METTL15: variants seen among roughly 807,000 people sequenced by gnomAD.
The protein encoded by METTL15 is 12S rRNA N(4)-cytidine methyltransferase METTL15.
METTL15 carries 34 observed loss-of-function variants against 38.3 expected under a neutral mutation model. The ratio of observed to expected loss-of-function variants is 0.89; its 90% CI spans 0.68 to 1.18. The LOEUF is 1.18. Ranked by LOEUF, METTL15 falls within the 50% of genes most tolerant of loss-of-function variation. The pLI, the probability that METTL15 is intolerant of heterozygous loss-of-function variation, is 0.00. For missense variants in METTL15, 438 were observed against 498.4 expected (o/e 0.88, Z 1.15); for synonymous variants, 162 against 170.9 (o/e 0.95, Z 0.41).
chr11:28,351,107 AT>A (rs143158877), intron 3 of METTL15, among the ~76,000 whole-genome samples: 41,211 of 99,746 alleles, frequency 0.41, 6,079 homozygotes, highest in African/African-American at 0.51. Flanking sequence ...AAAGCTATGA[AT>A]TTAAAAAAAA....
chr11:28,162,654 C>T (rs571062468), intron 3 of METTL15, among the ~76,000 whole-genome samples: 1 of 152,012 alleles, frequency 6.6e-6, no homozygotes, highest in South Asian at 2.1e-4. Context: ...ATTGCTTAAC[C>T]TAGCCTACCT....
At position 28,126,180 on chromosome 11, in the gene METTL15, T is replaced by A. The variant is rs530367607; in HGVS notation, c.270+12576T>A. Among the ~76,000 whole-genome samples the A allele has an allele frequency of 4.6e-5, 7 of 152,292 alleles. No homozygotes were observed. The South Asian group carries it at 1.5e-3, about 32-fold the overall frequency. ...GCTGACTCTCTCACTCTGGTTGTTA[T>A]TCAGATGTTACCTTTTCAGGGATGC... is the stretch of plus-strand genomic sequence containing the variant. On this transcript the variant is annotated intron_variant, in intron 3 of 6. Transcript: ENST00000407364.
chr11:28,418,589 A>T (rs548115288), intron 5 of METTL15, among the ~76,000 whole-genome samples: 3 of 152,298 alleles, frequency 2.0e-5, no homozygotes, highest in South Asian at 4.1e-4. Context: ...AACTGTCTAT[A>T]CAAAATAGCC....
chr11:28,417,459 G>A (rs747034012), intron 5 of METTL15, among the ~76,000 whole-genome samples: 10 of 152,152 alleles, frequency 6.6e-5, no homozygotes, highest in African/African-American at 1.2e-4. Context: ...CAAGGGACTC[G>A]AAGATAAATC....
chr11:28,276,189 G>A (rs545674214), intron 4 of METTL15, among the ~76,000 whole-genome samples: 117 of 152,078 alleles, frequency 7.7e-4, no homozygotes, highest in African/African-American at 2.5e-3. Flanking sequence ...TTTATATCTG[G>A]AACAAGCTAA....
intron 4 of METTL15, among the ~76,000 whole-genome samples, chr11:28,236,599 A>G (rs1853989905): frequency 6.6e-6 from 1 of 152,204 alleles, no homozygotes; most frequent in South Asian, 2.1e-4. Flanking sequence ...TAGTCCATTT[A>G]CATTTAAAGT....
At chr11:28,368,077 A>T (rs1365235178) in intron 5 of METTL15, among the ~76,000 whole-genome samples, 5 of 151,526 alleles carry the variant, frequency 3.3e-5, no homozygotes, top group African/African-American at 1.2e-4. Context: ...ATGGCAACAA[A>T]AGCCAAAATA....
intron 6 of METTL15, among the ~76,000 whole-genome samples, chr11:28,461,090 ACAGAT>A (rs547693755): frequency 1.3e-3 from 204 of 152,084 alleles, no homozygotes; most frequent in Non-Finnish European, 2.5e-3. Context: ...AAGAAGGGGG[ACAGAT>A]AATACCAAAG....
At chr11:28,524,173 C>G (rs961081730) in intron 6 of METTL15, among the ~76,000 whole-genome samples, 1 of 152,186 alleles carries the variant, frequency 6.6e-6, no homozygotes, top group Admixed American at 6.5e-5. Context: ...AGTTGCCAGA[C>G]AGTCAGAGAA....
intron 6 of METTL15, among the ~76,000 whole-genome samples, chr11:28,427,586 G>A (rs989620823): frequency 2.0e-5 from 3 of 152,114 alleles, no homozygotes; most frequent in Non-Finnish European, 4.4e-5. Flanking sequence ...TTTTCCATTT[G>A]TTTGTGTCCT....
intron 5 of METTL15, among the ~76,000 whole-genome samples, chr11:28,404,323 GTA>G (rs1295772098): frequency 6.6e-6 from 1 of 151,950 alleles, no homozygotes; most frequent in Non-Finnish European, 1.5e-5. Context: ...CTATAACAAA[GTA>G]TACCCTAAAT....
At chr11:28,366,381 C>T (rs887674582) in intron 5 of METTL15, among the ~76,000 whole-genome samples, 12 of 152,144 alleles carry the variant, frequency 7.9e-5, no homozygotes, top group African/African-American at 2.9e-4. Context: ...GTGTAATTAA[C>T]AATAAAAATA....
At chr11:28,314,296 G>A (rs868130516) in intron 6 of METTL15, among the ~76,000 whole-genome samples, 16 of 152,266 alleles carry the variant, frequency 1.1e-4, no homozygotes, top group Middle Eastern at 6.8e-3. Context: ...GTGTTCTATT[G>A]CAGGTAAGTA....
intron 3 of METTL15, among the ~76,000 whole-genome samples, chr11:28,137,585 T>C (rs1313415849): frequency 6.6e-6 from 1 of 152,190 alleles, no homozygotes; most frequent in African/African-American, 2.4e-5. Context: ...TATCAAATTG[T>C]AAAGCAGGCA....
At chr11:28,246,883 T>C (rs1854537302) in intron 4 of METTL15, among the ~76,000 whole-genome samples, 1 of 152,158 alleles carries the variant, frequency 6.6e-6, no homozygotes. Flanking sequence ...ACTGAGGAAC[T>C]AAATTCTAAA....
chr11:28,116,784 G>T (rs1252224803), intron 3 of METTL15, among the ~76,000 whole-genome samples: 1 of 151,978 alleles, frequency 6.6e-6, no homozygotes, highest in African/African-American at 2.4e-5. Context: ...AATTTTAATT[G>T]TTCTAGAGAG....
chr11:28,290,442 T>C (rs751089597), intron 5 of METTL15, 45 bp downstream of exon 5: 7 of 1,540,888 alleles, frequency 4.5e-6, no homozygotes, highest in Admixed American at 2.0e-5. Context: ...GAAATCAATT[T>C]GTCAAAAACA....
intron 3 of METTL15, among the ~76,000 whole-genome samples, chr11:28,183,523 T>A (rs1361280464): frequency 6.6e-6 from 1 of 152,078 alleles, no homozygotes; most frequent in Non-Finnish European, 1.5e-5. Context: ...AATCGTTTGG[T>A]TTTTGTCATT....
intron 5 of METTL15, among the ~76,000 whole-genome samples, chr11:28,381,199 A>T (rs984900761): frequency 2.0e-5 from 3 of 151,976 alleles, no homozygotes; most frequent in Non-Finnish European, 1.5e-5. Flanking sequence ...GGGTCTTGTT[A>T]TGCTGGCCAG....
Sources: gnomAD v4.1 joint callset for allele counts (sites outside exome capture counted in the v4.1 genomes callset) on GRCh38, gnomAD v4.1.1 for gene constraint, MANE v1.5 for transcripts, NCBI Gene and HGNC (gene_info 2026-07-23, HGNC 2026-07-21) for gene names.